AMOTL2: variants seen among roughly 807,000 people sequenced by gnomAD.
The protein encoded by AMOTL2 is angiomotin-like protein 2.
AMOTL2 carries 33 observed loss-of-function variants against 78.4 expected under a neutral mutation model. The ratio of observed to expected loss-of-function variants is 0.42; its 90% confidence interval spans 0.32 to 0.56. The LOEUF (loss-of-function observed/expected upper bound fraction) is 0.56, where lower values mean the gene tolerates loss of function less well. Ranked by LOEUF, AMOTL2 falls within the 20% of genes least tolerant of loss-of-function variation. The pLI is 0.12. For synonymous variants in AMOTL2, 422 were observed against 428.8 expected (o/e 0.98, Z 0.20); for missense variants, 983 against 1,030.1 (o/e 0.95, Z 0.63).
intron 2 of AMOTL2, among the ~76,000 whole-genome samples, chr3:134,370,244 G>A (rs2017790747): frequency 1.3e-5 from 2 of 152,194 alleles, no homozygotes; most frequent in Admixed American, 6.5e-5. Context: ...GGCCTTTCCA[G>A]CCTCTAGTTA....
chr3:134,358,160 G>C (rs1411030040), intron 9 of AMOTL2, among the ~76,000 whole-genome samples: 1 of 152,210 alleles, frequency 6.6e-6, no homozygotes, highest in Non-Finnish European at 1.5e-5. Flanking sequence ...CTCCTTCCCG[G>C]ACTCTTTAAA....
intron 1 of AMOTL2, chr3:134,371,960 A>C: frequency 5.9e-6 from 1 of 170,210 alleles, no homozygotes; most frequent in Non-Finnish European, 1.3e-5. Context: ...TTCAGATCTA[A>C]CCACTTAGCT....
chr3:134,375,067 C>T, upstream of AMOTL2: 1 of 1,463,760 alleles, frequency 6.8e-7, no homozygotes. Context: ...GCTGTTTTCA[C>T]CCCCAGCGGC....
intron 2 of AMOTL2, among the ~76,000 whole-genome samples, chr3:134,369,873 T>C (rs1276794448): frequency 6.6e-6 from 1 of 152,212 alleles, no homozygotes; most frequent in Non-Finnish European, 1.5e-5. Context: ...AGGCAGGGCC[T>C]TGTTTCTAGG....
At chr3:134,363,328 A>C (rs2107740146) in intron 5 of AMOTL2, among the ~76,000 whole-genome samples, 1 of 152,288 alleles carries the variant, frequency 6.6e-6, no homozygotes, top group South Asian at 2.1e-4. Context: ...AATAATATTG[A>C]AACGGATGTG....
chr3:134,359,174 G>A, intron 8 of AMOTL2, 109 bp downstream of exon 8: 1 of 1,236,546 alleles, frequency 8.1e-7, no homozygotes, highest in Non-Finnish European at 1.2e-6. Flanking sequence ...AGAGGGTCAG[G>A]AAGCCCTGGC....
upstream of AMOTL2, chr3:134,374,986 C>A: frequency 7.1e-7 from 1 of 1,407,402 alleles, no homozygotes. Context: ...ACATCCATAT[C>A]CTCTGGGCTG....
chr3:134,367,527 G>C lies in AMOTL2; in HGVS notation c.1011C>G (p.Ser337Arg). The C allele has an allele frequency of 6.2e-7, 1 of 1,612,770 alleles. No individual in the cohort carries two copies. The highest frequency in any genetic ancestry group is 8.5e-7 in the Non-Finnish European group (1 of 1,180,018). The change falls in exon 3 of 10, where the codon AGC (serine) becomes AGG (arginine). Residue 337 changes from serine (S) to arginine (R), a missense_variant. Ser to Arg is a moderately radical substitution (Grantham distance 110). Coordinates refer to ENST00000249883, the MANE Select transcript of AMOTL2 (RefSeq NM_016201.4). Reference protein sequence around the residue: ...DNERLQRELESSAEKAGRIEK... With the variant: ...DNERLQRELERSAEKAGRIEK... Reference sequence around the variant, plus strand: ...CAATGCGGCCAGCCTTCTCCGCAGAGCTCTCCAGCTCCCTCTGCAGCCGCT... The same window carrying C: ...CAATGCGGCCAGCCTTCTCCGCAGACCTCTCCAGCTCCCTCTGCAGCCGCT...
At chr3:134,365,172 C>G (rs2017547548) in intron 5 of AMOTL2, among the ~76,000 whole-genome samples, 1 of 150,502 alleles carries the variant, frequency 6.6e-6, no homozygotes, top group Non-Finnish European at 1.5e-5. Context: ...GCCATGGTAC[C>G]TTCCTGGGCC....
At chr3:134,367,856 C>T in intron 2 of AMOTL2, 53 bp from the exon 3 acceptor site, 2 of 1,584,660 alleles carry the variant, frequency 1.3e-6, no homozygotes, top group Non-Finnish European at 1.7e-6. Context: ...TCATGGCTCC[C>T]ACCAGAGCAG....
intron 6 of AMOTL2, 43 bp from the exon 7 acceptor site, chr3:134,360,456 G>T: frequency 6.4e-7 from 1 of 1,559,318 alleles, no homozygotes; most frequent in South Asian, 1.2e-5. Flanking sequence ...GGTGCAGGTT[G>T]GGGTGTGGCA....
intron 7 of AMOTL2, among the ~76,000 whole-genome samples, chr3:134,359,900 T>C (rs1357167190): frequency 6.6e-6 from 1 of 152,214 alleles, no homozygotes; most frequent in African/African-American, 2.4e-5. Flanking sequence ...AAGAGTCTCC[T>C]GGGCAGACCA....
At chr3:134,371,656 G>T in intron 1 of AMOTL2, 162 bp from the exon 2 acceptor site, 1 of 1,175,834 alleles carries the variant, frequency 8.5e-7, no homozygotes, top group Non-Finnish European at 1.1e-6. Flanking sequence ...TACCAGTGCT[G>T]CCATCTACTG....
rs751499673 is a variant in AMOTL2, at chr3:134,358,631, A to G, written c.2193T>C (p.Thr731=). The G allele has an allele frequency of 6.2e-7, 1 of 1,613,836 alleles. No individual in the cohort carries two copies. Among genetic ancestry groups the G allele is most frequent in the Non-Finnish European group, 8.5e-7 (1 of 1,179,872 alleles). The part of the protein sequence containing the change: ...KHGSRDGSTQ[T]EGPPDSTSTC... ...TGGAGGTGCTGTCTGGGGGGCCCTCAGTCTGGGTGCTCCCATCTCTGCTCC... is the reference window on the plus strand; with the variant it reads ...TGGAGGTGCTGTCTGGGGGGCCCTCGGTCTGGGTGCTCCCATCTCTGCTCC... Residue 731 remains threonine, a synonymous_variant, in exon 9 of 10, where the codon ACT becomes ACC. Coordinates refer to ENST00000249883, the MANE Select transcript of AMOTL2 (RefSeq NM_016201.4).
At chr3:134,366,564 G>A in intron 3 of AMOTL2, 137 bp from the exon 4 acceptor site, 1 of 850,950 alleles carries the variant, frequency 1.2e-6, no homozygotes, top group South Asian at 1.8e-5. Flanking sequence ...AGGTGACTAT[G>A]GTGGGATGGT....
chr3:134,368,934 C>T (rs948496772), intron 2 of AMOTL2, among the ~76,000 whole-genome samples: 1 of 152,138 alleles, frequency 6.6e-6, no homozygotes, highest in Non-Finnish European at 1.5e-5. Flanking sequence ...TCACAACTGC[C>T]TCAGTTTCAC....
At chr3:134,369,254 G>A (rs2017745270) in intron 2 of AMOTL2, among the ~76,000 whole-genome samples, 1 of 152,154 alleles carries the variant, frequency 6.6e-6, no homozygotes, top group Admixed American at 6.5e-5. Context: ...TGCTAAAATG[G>A]CCATTCTCAA....
chr3:134,366,753 AC>A, intron 3 of AMOTL2: 1 of 224,802 alleles, frequency 4.4e-6, no homozygotes, highest in Non-Finnish European at 8.6e-6. Context: ...GAAACATTCT[AC>A]TCTTGGCTGG....
rs1301499419 is a variant in AMOTL2, at chr3:134,371,315, C to T, written c.119G>A (p.Arg40Lys). The change falls in exon 2 of 10, where the codon AGG becomes AAG. Residue 40 changes from arginine (R) to lysine (K), a missense_variant. Arg to Lys is a conservative substitution (Grantham distance 26). Coordinates refer to ENST00000249883, the MANE Select transcript of AMOTL2 (RefSeq NM_016201.4). ...TGTACCCCCAGTTCCAGCCCCACCC[C>T]TCAGGGCCTGCTGCTGGATGGCTAG... The part of the protein sequence containing the change: ...TLLAIQQQAL[R>K]GGAGTGGTGS... The T allele has an allele frequency of 1.2e-6, 2 of 1,612,430 alleles. No individual in the cohort carries two copies. The highest frequency in any genetic ancestry group is 1.7e-6 in the Non-Finnish European group (2 of 1,180,032).
Sources: allele counts gnomAD v4.1 joint callset (sites outside exome capture counted in the v4.1 genomes callset), GRCh38; gene constraint gnomAD v4.1.1; transcripts MANE v1.5; gene names NCBI Gene and HGNC (gene_info 2026-07-23, HGNC 2026-07-21).